The following LINGO1 variants were observed in gnomAD, a reference collection of about 807,000 sequenced individuals.
LINGO1 encodes the protein leucine rich repeat and Ig domain containing 1.
Under a neutral mutation model 37.3 loss-of-function variants are expected in LINGO1, and 11 were observed. The ratio of observed to expected loss-of-function variants is 0.29; its 90% CI spans 0.19 to 0.49. LINGO1 has a LOEUF of 0.49. Ranked by LOEUF, LINGO1 falls within the 20% of genes least tolerant of loss-of-function variation. The pLI, the probability that LINGO1 is intolerant of heterozygous loss-of-function variation, is 0.99. For missense variants in LINGO1, 585 were observed against 878.2 expected (o/e 0.67, Z 4.22); for synonymous variants, 387 against 403.0 (o/e 0.96, Z 0.48).
At chr15:77,710,685 AGAC>A in intron 2 of LINGO1, among the ~76,000 whole-genome samples, 1 of 152,246 alleles carries the variant, frequency 6.6e-6, no homozygotes, top group African/African-American at 2.4e-5. Context: ...TCGCTGAAGA[AGAC>A]TTCACAGAGC....
chr15:77,706,599 T>A (rs773249271), intron 2 of LINGO1, among the ~76,000 whole-genome samples: 38 of 152,152 alleles, frequency 2.5e-4, no homozygotes, highest in Admixed American at 1.6e-3. Context: ...CTCCAGGACA[T>A]GGAATGCTCT....
intron 3 of LINGO1, chr15:77,648,559 G>A (rs1304745259): frequency 6.6e-6 from 1 of 152,436 alleles, no homozygotes; most frequent in Non-Finnish European, 1.5e-5. Context: ...TTAAACAGCA[G>A]TTCTAGCCAC....
intron 2 of LINGO1, among the ~76,000 whole-genome samples, chr15:77,794,553 T>C (rs1248910403): frequency 2.5e-5 from 3 of 119,664 alleles, no homozygotes; most frequent in Non-Finnish European, 3.7e-5. Context: ...CGTATATATG[T>C]GTATATATAC....
At chr15:77,793,576 C>T (rs2141448699) in intron 2 of LINGO1, among the ~76,000 whole-genome samples, 1 of 152,338 alleles carries the variant, frequency 6.6e-6, no homozygotes, top group South Asian at 2.1e-4. Flanking sequence ...CTGTCACAAC[C>T]CTACATCCAT....
intron 1 of LINGO1, among the ~76,000 whole-genome samples, chr15:77,763,713 C>G (rs2076500405): frequency 6.6e-6 from 1 of 152,144 alleles, no homozygotes; most frequent in South Asian, 2.1e-4. Context: ...TGCATCATGC[C>G]CTTTCTATCC....
At chr15:77,784,306 A>T (rs1596228300) in intron 1 of LINGO1, among the ~76,000 whole-genome samples, 1 of 152,218 alleles carries the variant, frequency 6.6e-6, no homozygotes, top group African/African-American at 2.4e-5. Flanking sequence ...GGCTCTAAGG[A>T]CACACGCAGG....
At chr15:77,719,604 C>T (rs1244664978) in intron 2 of LINGO1, among the ~76,000 whole-genome samples, 3 of 149,804 alleles carry the variant, frequency 2.0e-5, no homozygotes, top group African/African-American at 7.3e-5. Flanking sequence ...CTCCAGAAGC[C>T]AGATTTTGAT....
chr15:77,627,167 G>A (rs974373254), intron 1 of LINGO1, among the ~76,000 whole-genome samples: 1 of 152,132 alleles, frequency 6.6e-6, no homozygotes, highest in Non-Finnish European at 1.5e-5. Flanking sequence ...TGGAGACGAG[G>A]AACAATGCCC....
In LINGO1 at chr15:77,693,885, C is replaced by T. The variant is rs115230649; in HGVS notation, c.-281+2506G>A. ...GCTTTCACAACCAGACCCCACCCCTCAAGAAACCTCGGGGGCCTGATCAGG... is the reference window on the plus strand; with the variant it reads ...GCTTTCACAACCAGACCCCACCCCTTAAGAAACCTCGGGGGCCTGATCAGG... On this transcript the variant is annotated intron_variant, in intron 1 of 3. Coordinates refer to the LINGO1 transcript ENST00000559893. Among the ~76,000 whole-genome samples, 661 of 152,246 alleles carry T rather than the reference C, an allele frequency of 4.3e-3. 4 individuals are homozygous for T. Among genetic ancestry groups the T allele is most frequent in the African/African-American group, 0.015 (624 of 41,532 alleles).
intron 3 of LINGO1, among the ~76,000 whole-genome samples, chr15:77,675,921 A>G (rs546416905): frequency 1.6e-4 from 25 of 152,308 alleles, no homozygotes; most frequent in African/African-American, 5.8e-4. Context: ...TCTGGGTTCC[A>G]AGCTCATGAA....
chr15:77,625,548 C>G (rs1240854909), intron 1 of LINGO1, among the ~76,000 whole-genome samples: 3 of 152,164 alleles, frequency 2.0e-5, no homozygotes, highest in Non-Finnish European at 4.4e-5. Flanking sequence ...AAAGCTAACA[C>G]TAACATAGCA....
At chr15:77,733,759 C>A (rs1480150555) in intron 2 of LINGO1, among the ~76,000 whole-genome samples, 5 of 152,250 alleles carry the variant, frequency 3.3e-5, no homozygotes, top group Admixed American at 1.3e-4. Flanking sequence ...CTCCTCCACG[C>A]AGTCTGCCTG....
intron 1 of LINGO1, among the ~76,000 whole-genome samples, chr15:77,619,387 G>A (rs575145236): frequency 6.6e-6 from 1 of 152,296 alleles, no homozygotes; most frequent in South Asian, 2.1e-4. Context: ...TATGTTGGAA[G>A]CCGGGCATGG....
chr15:77,697,936 G>A (rs1334754099), upstream of LINGO1, among the ~76,000 whole-genome samples: 3 of 152,190 alleles, frequency 2.0e-5, no homozygotes, highest in Admixed American at 2.0e-4. Flanking sequence ...GGCACCAAGA[G>A]GGATGGAGCT....
At chr15:77,662,348 G>A (rs939687029) in intron 3 of LINGO1, among the ~76,000 whole-genome samples, 1 of 152,292 alleles carries the variant, frequency 6.6e-6, no homozygotes, top group East Asian at 1.9e-4. Context: ...AGAGAAGGGC[G>A]GTCAGAGGGA....
At chr15:77,676,817 G>A (rs2075335628) in intron 3 of LINGO1, among the ~76,000 whole-genome samples, 1 of 152,224 alleles carries the variant, frequency 6.6e-6, no homozygotes, top group South Asian at 2.1e-4. Context: ...GGGATGGTGT[G>A]TCCCAGTGCC....
At chr15:77,765,728 T>C (rs2141391583) in intron 1 of LINGO1, among the ~76,000 whole-genome samples, 1 of 152,194 alleles carries the variant, frequency 6.6e-6, no homozygotes, top group South Asian at 2.1e-4. Flanking sequence ...GTAGTTGAGT[T>C]TGTACGCTGA....
intron 3 of LINGO1, chr15:77,646,305 C>G (rs1050926260): frequency 2.8e-6 from 1 of 353,030 alleles, no homozygotes; most frequent in African/African-American, 2.2e-5. Flanking sequence ...GAGCAGTGGG[C>G]GGGGAACCCG....
At chr15:77,625,796 G>A (rs2074070372) in intron 1 of LINGO1, among the ~76,000 whole-genome samples, 1 of 152,224 alleles carries the variant, frequency 6.6e-6, no homozygotes, top group African/African-American at 2.4e-5. Flanking sequence ...CTGCTGAGCT[G>A]TGTCATCTTG....
Sources: allele counts gnomAD v4.1 joint callset (sites outside exome capture counted in the v4.1 genomes callset), GRCh38; gene constraint gnomAD v4.1.1; transcripts MANE v1.5; gene names NCBI Gene and HGNC (gene_info 2026-07-23, HGNC 2026-07-21).